The following ABCD4 variants were observed in gnomAD, a reference collection of about 807,000 sequenced individuals.
ABCD4 encodes ATP binding cassette subfamily D member 4, also known as lysosomal cobalamin transporter ABCD4.
In ABCD4, 53 loss-of-function variants were observed where a neutral mutation model predicts 86.3. The observed-to-expected ratio is 0.61, with a 90% CI of 0.49 to 0.77. ABCD4 has a LOEUF of 0.77. Among genes scored for constraint, ABCD4 ranks in the 30% least tolerant of loss-of-function variants. The pLI, the probability that ABCD4 is intolerant of heterozygous loss-of-function variation, is 0.00. For missense variants in ABCD4, 757 were observed against 764.5 expected (o/e 0.99, Z 0.12); for synonymous variants, 328 against 313.6 (o/e 1.05, Z -0.49).
chr14:74,294,824 C>T (rs942316980), intron 7 of ABCD4: 6 of 347,058 alleles, frequency 1.7e-5, no homozygotes, highest in South Asian at 4.5e-5. Flanking sequence ...AGCTTCTTAA[C>T]AGACAGAAGA....
chr14:74,296,013 G>A (rs2140005746), intron 5 of ABCD4, 34 bp from the exon 6 acceptor site: 1 of 1,572,160 alleles, frequency 6.4e-7, no homozygotes, highest in East Asian at 2.2e-5. Context: ...AAGGGAGAGG[G>A]TGTGGGGTGC....
rs2082813139 is a variant in ABCD4, at chr14:74,296,219, G to A, written c.542+114C>T. 4.2e-6 allele frequency: 5 copies of A among 1,195,596 alleles called. No individual in the cohort carries two copies. The Admixed American group carries it at 7.0e-5, about 17-fold the overall frequency. The allele number at this position is 1,195,596 out of a possible 1,614,324, so 74.1% of individuals were successfully genotyped here. A position where few individuals can be genotyped will look rare whatever the true frequency, so the allele number is the denominator to read the frequency against. On this transcript the variant is annotated intron_variant, in intron 5 of 18. Coordinates refer to ENST00000356924, the MANE Select transcript of ABCD4 (RefSeq NM_005050.4). ...CTGAGCACGTGGGATGGGTGAGCAC[G>A]TGGTAAGGTACGGTGGGAGAGAGGG...
intron 16 of ABCD4, 111 bp downstream of exon 16, chr14:74,288,096 C>T: frequency 1.5e-6 from 2 of 1,301,254 alleles, no homozygotes; most frequent in Non-Finnish European, 2.1e-6. Context: ...GACTGACCAG[C>T]CAAACATCTG....
At chr14:74,300,371 A>G in intron 1 of ABCD4, 103 bp from the exon 2 acceptor site, 2 of 724,416 alleles carry the variant, frequency 2.8e-6, no homozygotes, top group African/African-American at 1.8e-5. Flanking sequence ...GGTCCAGGCC[A>G]TGCAGAAAGA....
rs182771034 is a variant in ABCD4 at position 74,299,337 on chromosome 14, G to A, written c.285+211C>T. The A allele has an allele frequency of 3.2e-3, 1,769 of 545,820 alleles. 9 individuals are homozygous for A. The highest frequency in any genetic ancestry group is 3.7e-3 in the Non-Finnish European group (1,139 of 310,234). 33.8% of individuals were successfully genotyped at this position (545,820 alleles called of 1,614,324 possible). ...AACCAGAACCTGTGGCCTGGGCCCA[G>A]GAGTGGAAACATCTGAGGAATCAGT... On this transcript the variant is annotated intron_variant, in intron 3 of 18. Coordinates refer to ENST00000356924, the MANE Select transcript of ABCD4 (RefSeq NM_005050.4).
At chr14:74,288,917 C>A (rs2080618202) in intron 14 of ABCD4, 152 bp from the exon 15 acceptor site, 7 of 1,037,530 alleles carry the variant, frequency 6.7e-6, no homozygotes, top group Non-Finnish European at 8.1e-6. Context: ...ATGGAGACCA[C>A]CCTGGCCAAC....
chr14:74,298,779 T>C (rs7147545), intron 3 of ABCD4, among the ~76,000 whole-genome samples: 9,864 of 152,262 alleles, frequency 0.065, 1,084 homozygotes, highest in African/African-American at 0.23. Flanking sequence ...CATGGTACGA[T>C]GAGCAGTGGC....
rs753105481 is a variant in ABCD4 at position 74,290,407 on chromosome 14, A to G, written c.1211T>C (p.Ile404Thr). Residue 404 changes from isoleucine to threonine, a missense_variant, in exon 12 of 19, where the codon ATC (isoleucine) becomes ACC (threonine). Ile to Thr is a moderately conservative substitution (Grantham distance 89). Transcript: ENST00000356924. ...ISAPSSDKPL[I>T]KDLSLKISEG... ...GGAGATCTTTAGGCTCAGATCCTTG[A>G]TTAGGGGTTTGTCAGAGGAGGGGGC... The G allele has an allele frequency of 6.2e-7, 1 of 1,614,092 alleles. No homozygotes were observed. Among genetic ancestry groups the G allele is most frequent in the African/African-American group, 1.3e-5 (1 of 75,006 alleles).
chr14:74,301,900 A>AAAAGAAAG (rs533778989), intron 1 of ABCD4, among the ~76,000 whole-genome samples: 497 of 152,004 alleles, frequency 3.3e-3, no homozygotes, highest in African/African-American at 0.011. Flanking sequence ...ACTCCGTCTC[A>AAAAGAAAG]AAAGAAAGAA....
chr14:74,287,908 G>A, intron 16 of ABCD4, 22 bp from the exon 17 acceptor site: 1 of 1,596,228 alleles, frequency 6.3e-7, no homozygotes, highest in Non-Finnish European at 8.6e-7. Flanking sequence ...TAGGAGAGAG[G>A]ACTGCTAGAG....
chr14:74,290,734 G>C (rs2081281635), intron 11 of ABCD4, among the ~76,000 whole-genome samples: 1 of 121,604 alleles, frequency 8.2e-6, no homozygotes, highest in South Asian at 2.9e-4. Context: ...ACCCAGGCTT[G>C]AGTGCAGTGG....
At chr14:74,292,225 C>T in intron 11 of ABCD4, 62 bp downstream of exon 11, 5 of 1,552,788 alleles carry the variant, frequency 3.2e-6, no homozygotes, top group Non-Finnish European at 4.4e-6. Flanking sequence ...TCCAGGGTAA[C>T]CCAAGCCAGG....
chr14:74,292,403 A>G (rs1264836869), intron 10 of ABCD4, 27 bp from the exon 11 acceptor site: 1 of 1,612,376 alleles, frequency 6.2e-7, no homozygotes, highest in Non-Finnish European at 8.5e-7. Flanking sequence ...AATCTGAGGC[A>G]GGGTCTGGGA....
At position 74,288,595 on chromosome 14, in the gene ABCD4, T is replaced by C. The variant is rs1483517637; in HGVS notation, c.1506+121A>G. 1.3e-5 allele frequency: 15 copies of C among 1,163,366 alleles called. 1 individual carries two copies. In the South Asian group the frequency reaches 1.7e-4, roughly 13 times the overall value. 72.1% of individuals were successfully genotyped at this position (1,163,366 alleles called of 1,614,324 possible). A position where few individuals can be genotyped will look rare whatever the true frequency, so the allele number is the denominator to read the frequency against. ...CACACACTGTCAACTGATACTCCCA[T>C]TCTCCACCCCAGGTTCAGACTTCCA... On this transcript the variant is annotated intron_variant, in intron 15 of 18. Coordinates refer to ENST00000356924, the MANE Select transcript of ABCD4 (RefSeq NM_005050.4).
At chr14:74,301,301 G>A (rs566386189) in intron 1 of ABCD4, among the ~76,000 whole-genome samples, 3 of 151,792 alleles carry the variant, frequency 2.0e-5, no homozygotes, top group South Asian at 4.2e-4. Context: ...CTGGGAGTAC[G>A]GGCGTGCGTC....
chr14:74,300,143 C>G lies in ABCD4; in HGVS notation c.157+7G>C, dbSNP rs573559229. ...CTCCCTCCTCTAGTCTGGGCTCACT[C>G]ACTCACCCAGTAGGGTCAGGCACAA... is the stretch of plus-strand genomic sequence containing the variant. On this transcript the variant is annotated splice_region_variant and intron_variant, in intron 2 of 18. Transcript: ENST00000356924. 2 of 1,550,646 alleles carry G rather than the reference C, an allele frequency of 1.3e-6. No homozygotes were observed. Among genetic ancestry groups the G allele is most frequent in the Non-Finnish European group, 1.8e-6 (2 of 1,128,444 alleles).
At chr14:74,292,959 AG>A in intron 8 of ABCD4, 90 bp from the exon 9 acceptor site, 1 of 1,582,288 alleles carries the variant, frequency 6.3e-7, no homozygotes, top group Non-Finnish European at 8.6e-7. Flanking sequence ...GACGCCAAGT[AG>A]GGCCACGTGG....
chr14:74,286,356 A>C lies in ABCD4; in HGVS notation c.*105T>G. 1 of 1,251,262 alleles carries C rather than the reference A, an allele frequency of 8.0e-7. No individual in the cohort carries two copies. The highest frequency in any genetic ancestry group is 1.2e-6 in the Non-Finnish European group (1 of 862,200). The allele number at this position is 1,251,262 out of a possible 1,614,324, so 77.5% of individuals were successfully genotyped here. ...AGGACCCATGTGGCTCCTGCACGGG[A>C]TCTATGTGGCGAACCTGAGCTCGAT... On this transcript the variant is annotated 3_prime_UTR_variant, in exon 19 of 19. Transcript: ENST00000356924.
chr14:74,293,537 T>A (rs2082098037), intron 7 of ABCD4: 1 of 310,058 alleles, frequency 3.2e-6, no homozygotes, highest in African/African-American at 2.1e-5. Context: ...AAGCCTCAGT[T>A]TTTTTAATCT....
Sources: allele counts gnomAD v4.1 joint callset (sites outside exome capture counted in the v4.1 genomes callset), GRCh38; gene constraint gnomAD v4.1.1; transcripts MANE v1.5; gene names NCBI Gene and HGNC (gene_info 2026-07-23, HGNC 2026-07-21).